The following ATXN7 variants were observed in gnomAD, a reference collection of about 807,000 sequenced individuals.
ATXN7 encodes the protein ataxin 7, also known as ataxin-7.
A neutral mutation model predicts 70.5 loss-of-function variants in ATXN7; 12 were observed. The ratio of observed to expected loss-of-function variants is 0.17; its 90% CI spans 0.11 to 0.28. ATXN7 has a LOEUF of 0.28. Among genes scored for constraint, ATXN7 ranks in the 10% least tolerant of loss-of-function variants. The pLI is 1.00. For missense variants in ATXN7, 1,256 were observed against 1,131.7 expected (o/e 1.11, Z -1.58); for synonymous variants, 498 against 448.7 (o/e 1.11, Z -1.39).
chr3:63,985,750 A>G (rs555181938), intron 8 of ATXN7, among the ~76,000 whole-genome samples: 1 of 152,266 alleles, frequency 6.6e-6, no homozygotes, highest in Non-Finnish European at 1.5e-5. Flanking sequence ...TGTGCCTTCC[A>G]CGCGGAGAGA....
intron 1 of ATXN7, among the ~76,000 whole-genome samples, chr3:63,869,959 C>T (rs1575829168): frequency 6.6e-6 from 1 of 152,082 alleles, no homozygotes; most frequent in African/African-American, 2.4e-5. Context: ...ATGTCAGGGG[C>T]CAAACCAACA....
At chr3:63,962,236 A>C (rs2106693827) in intron 5 of ATXN7, among the ~76,000 whole-genome samples, 1 of 152,314 alleles carries the variant, frequency 6.6e-6, no homozygotes, top group South Asian at 2.1e-4. Flanking sequence ...TGAATGTTAA[A>C]AAAGAAGAAC....
chr3:63,994,847 T>A (rs2075730429), intron 11 of ATXN7, among the ~76,000 whole-genome samples: 1 of 152,222 alleles, frequency 6.6e-6, no homozygotes, highest in African/African-American at 2.4e-5. Context: ...CTGGTTTGAA[T>A]TTAGATGGTT....
chr3:63,917,484 C>T (rs985744186), intron 4 of ATXN7, among the ~76,000 whole-genome samples: 1 of 152,280 alleles, frequency 6.6e-6, no homozygotes, highest in South Asian at 2.1e-4. Flanking sequence ...GCCTTAGTTG[C>T]ACAGCAGATT....
chr3:63,916,207 T>G (rs1351637652), intron 4 of ATXN7, among the ~76,000 whole-genome samples: 3 of 152,194 alleles, frequency 2.0e-5, no homozygotes, highest in Non-Finnish European at 4.4e-5. Context: ...AGATAATATG[T>G]GAATGACTCA....
intron 1 of ATXN7, among the ~76,000 whole-genome samples, chr3:63,890,188 G>C (rs528959143): frequency 6.6e-6 from 1 of 152,210 alleles, no homozygotes; most frequent in East Asian, 1.9e-4. Context: ...CAATTTTCTT[G>C]GTCAGATTTA....
intron 11 of ATXN7, among the ~76,000 whole-genome samples, chr3:63,991,258 C>A (rs1019224780): frequency 1.1e-4 from 16 of 151,870 alleles, no homozygotes. Flanking sequence ...ATTCACAATT[C>A]TCTGTCAGGT....
intron 1 of ATXN7, among the ~76,000 whole-genome samples, chr3:63,886,480 C>T (rs1431742404): frequency 6.6e-6 from 1 of 152,086 alleles, no homozygotes; most frequent in Non-Finnish European, 1.5e-5. Context: ...CATAAAAGAT[C>T]ATATTTACAC....
chr3:63,995,123 C>G (rs1018017491), intron 11 of ATXN7, among the ~76,000 whole-genome samples: 9 of 152,176 alleles, frequency 5.9e-5, no homozygotes, highest in Non-Finnish European at 1.2e-4. Flanking sequence ...GGGGATGACT[C>G]TCTCTGCAGA....
At chr3:63,878,764 A>G (rs1702820979) in intron 1 of ATXN7, among the ~76,000 whole-genome samples, 1 of 152,190 alleles carries the variant, frequency 6.6e-6, no homozygotes, top group Non-Finnish European at 1.5e-5. Flanking sequence ...GTCTAGTGAG[A>G]GCTGGTGCCA....
chr3:63,963,589 A>G (rs1374478928), intron 5 of ATXN7, among the ~76,000 whole-genome samples: 1 of 152,202 alleles, frequency 6.6e-6, no homozygotes, highest in Non-Finnish European at 1.5e-5. Context: ...TTTTGGTGAT[A>G]GTTTTACAAA....
At chr3:63,968,218 C>T (rs1039283506) in intron 5 of ATXN7, among the ~76,000 whole-genome samples, 7 of 152,106 alleles carry the variant, frequency 4.6e-5, no homozygotes, top group African/African-American at 1.7e-4. Flanking sequence ...CGTGGGTAAT[C>T]GCAGCCACAG....
rs1559665593 is a variant in ATXN7 at position 63,999,646 on chromosome 3, C to G, written c.*179C>G. 1 of 1,134,838 alleles carries G rather than the reference C, an allele frequency of 8.8e-7. No individual in the cohort carries two copies. Among genetic ancestry groups the G allele is most frequent in the East Asian group, 2.6e-5 (1 of 38,928 alleles). 70.3% of individuals were successfully genotyped at this position (1,134,838 alleles called of 1,614,324 possible). A position where few individuals can be genotyped will look rare whatever the true frequency, so the allele number is the denominator to read the frequency against. ...CGAGGATTTCCCTGAAGCTATGTCT[C>G]TAGCAGTGAGTACTCATAAAGGACA... On this transcript the variant is annotated 3_prime_UTR_variant, in exon 13 of 13. Coordinates refer to ENST00000674280, the MANE Select transcript of ATXN7 (RefSeq NM_001377405.1).
At chr3:63,950,336 T>C (rs2074933144) in intron 4 of ATXN7, among the ~76,000 whole-genome samples, 1 of 152,212 alleles carries the variant, frequency 6.6e-6, no homozygotes, top group African/African-American at 2.4e-5. Flanking sequence ...AAGTGATCTA[T>C]TTTAAGCAAC....
At chr3:63,971,206 T>C (rs958061434) in intron 5 of ATXN7, among the ~76,000 whole-genome samples, 3 of 152,208 alleles carry the variant, frequency 2.0e-5, no homozygotes, top group Admixed American at 6.5e-5. Context: ...GTGCCATTTG[T>C]AACCCACCTA....
At chr3:63,963,256 C>A (rs183451841) in intron 5 of ATXN7, among the ~76,000 whole-genome samples, 1 of 152,212 alleles carries the variant, frequency 6.6e-6, no homozygotes, top group African/African-American at 2.4e-5. Flanking sequence ...CTTCACAGTG[C>A]ATTTTTGTAA....
At chr3:63,998,333 A>G in intron 12 of ATXN7, 2 of 985,290 alleles carry the variant, frequency 2.0e-6, no homozygotes, top group African/African-American at 1.7e-5. Flanking sequence ...TGCATGTGAA[A>G]TTTAGTTGAG....
chr3:63,952,831 G>A (rs944090107), intron 5 of ATXN7, among the ~76,000 whole-genome samples: 1 of 88,104 alleles, frequency 1.1e-5, no homozygotes, highest in Non-Finnish European at 2.1e-5. Context: ...ATGGATGCAT[G>A]GGCCTTTTTT....
intron 2 of ATXN7, among the ~76,000 whole-genome samples, chr3:63,911,314 G>A (rs555983045): frequency 2.0e-4 from 30 of 152,240 alleles, no homozygotes; most frequent in Non-Finnish European, 4.0e-4. Context: ...GCCATCTGTA[G>A]CCTATCGCTA....
Sources: gnomAD v4.1 joint callset for allele counts (sites outside exome capture counted in the v4.1 genomes callset) on GRCh38, gnomAD v4.1.1 for gene constraint, MANE v1.5 for transcripts, NCBI Gene and HGNC (gene_info 2026-07-23, HGNC 2026-07-21) for gene names.